CALN1: variants seen among roughly 807,000 people sequenced by gnomAD.
CALN1 encodes the protein calneuron 1, also known as calcium-binding protein 8.
CALN1 carries 17 observed loss-of-function variants against 30.6 expected under a neutral mutation model. That is an observed-to-expected ratio of 0.56 (90% CI 0.38 to 0.83). The LOEUF is 0.83. Among genes scored for constraint, CALN1 ranks in the 40% least tolerant of loss-of-function variants. The pLI is 0.00. For missense variants in CALN1, 291 were observed against 354.9 expected, an observed-to-expected ratio of 0.82 and a Z score of 1.45; for synonymous variants, 156 against 131.4, an observed-to-expected ratio of 1.19 and a Z score of -1.28.
chr7:71,910,157 T>C (rs896361509), intron 5 of CALN1, among the ~76,000 whole-genome samples: 6 of 152,150 alleles, frequency 3.9e-5, no homozygotes, highest in Non-Finnish European at 8.8e-5. Flanking sequence ...AAGGTGAGAT[T>C]TGGATGGGGA....
chr7:72,241,482 A>G (rs906894769), intron 3 of CALN1, among the ~76,000 whole-genome samples: 1 of 152,164 alleles, frequency 6.6e-6, no homozygotes, highest in Non-Finnish European at 1.5e-5. Flanking sequence ...CAAGGCGGGC[A>G]GATCACCTGA....
intron 5 of CALN1, among the ~76,000 whole-genome samples, chr7:71,842,463 G>A (rs1415094742): frequency 6.6e-6 from 1 of 152,182 alleles, no homozygotes; most frequent in Non-Finnish European, 1.5e-5. Flanking sequence ...TTGGGATTTT[G>A]CCCCTGTGGC....
chr7:72,069,092 G>A (rs147983624), intron 4 of CALN1, among the ~76,000 whole-genome samples: 40 of 152,276 alleles, frequency 2.6e-4, no homozygotes, highest in African/African-American at 9.6e-4. Context: ...GCCATCCAGA[G>A]GAGCAGATGC....
the CALN1 span, among the ~76,000 whole-genome samples, chr7:72,454,167 G>A: frequency 6.6e-6 from 1 of 152,092 alleles, no homozygotes; most frequent in Non-Finnish European, 1.5e-5. Flanking sequence ...GAATTGGAAG[G>A]CCTCAATTCA....
rs373749590 is a variant in CALN1, at chr7:72,344,865, A to G, written c.119+58386T>C. 4.3e-4 allele frequency among the ~76,000 whole-genome samples: 63 copies of G among 147,660 alleles called. 1 individual carries two copies. In the East Asian group the frequency reaches 8.4e-3, roughly 20 times the overall value. On this transcript the variant is annotated intron_variant, in intron 2 of 6. Coordinates refer to ENST00000395275, the MANE Select transcript of CALN1 (RefSeq NM_031468.4). ...ATAAGTATATATAGCATATATTTAT[A>G]TAACACATAAATATATAAATAGCAT...
At chr7:71,833,070 C>G (rs896060663) in intron 5 of CALN1, among the ~76,000 whole-genome samples, 10 of 152,360 alleles carry the variant, frequency 6.6e-5, no homozygotes, top group Non-Finnish European at 1.5e-4. Context: ...ACACCATTCT[C>G]TGACGTGTCC....
intron 5 of CALN1, among the ~76,000 whole-genome samples, chr7:71,920,915 T>C (rs1025299178): frequency 6.6e-6 from 1 of 152,212 alleles, no homozygotes; most frequent in African/African-American, 2.4e-5. Context: ...CGTATGTTTA[T>C]TGTGGCACTG....
chr7:72,444,824 G>A (rs1169577204), intron 1 of CALN1, among the ~76,000 whole-genome samples: 1 of 152,168 alleles, frequency 6.6e-6, no homozygotes, highest in Non-Finnish European at 1.5e-5. Flanking sequence ...CGCCCAATGA[G>A]ATTAATCAGC....
chr7:72,260,180 C>T (rs923628974), intron 3 of CALN1, among the ~76,000 whole-genome samples: 4 of 152,124 alleles, frequency 2.6e-5, no homozygotes, highest in African/African-American at 9.7e-5. Context: ...GCCTGGGAGA[C>T]AGAGCAAGAC....
intron 5 of CALN1, among the ~76,000 whole-genome samples, chr7:72,002,877 TAC>T (rs1300927663): frequency 1.3e-5 from 2 of 152,090 alleles, no homozygotes; most frequent in Admixed American, 1.3e-4. Flanking sequence ...AGAATAAAAT[TAC>T]AGTTATCAGG....
chr7:71,930,751 T>C (rs1795508493), intron 5 of CALN1, among the ~76,000 whole-genome samples: 1 of 152,232 alleles, frequency 6.6e-6, no homozygotes, highest in Admixed American at 6.5e-5. Context: ...CTCGCGTGTG[T>C]GTATTCTGGT....
intron 5 of CALN1, among the ~76,000 whole-genome samples, chr7:71,920,765 A>G (rs1794904216): frequency 6.6e-6 from 1 of 152,204 alleles, no homozygotes; most frequent in African/African-American, 2.4e-5. Flanking sequence ...TTTCATTATT[A>G]GTGGCAAACA....
chr7:71,788,802 C>T lies in CALN1; in HGVS notation c.659-900G>A, dbSNP rs192955501. Among the ~76,000 whole-genome samples the T allele has an allele frequency of 1.6e-4, 25 of 152,000 alleles. No homozygotes were observed. The East Asian group carries it at 3.7e-3, about 23-fold the overall frequency. On this transcript the variant is annotated intron_variant, in intron 6 of 6. Coordinates refer to ENST00000395275, the MANE Select transcript of CALN1 (RefSeq NM_031468.4). ...CCTCCTGAGTAGCTGGGACTATAGG[C>T]GCCCGCCACCATGCCCGGCTAATTT...
chr7:71,868,564 G>T (rs1191295907), intron 5 of CALN1, among the ~76,000 whole-genome samples: 2 of 151,966 alleles, frequency 1.3e-5, no homozygotes, highest in Non-Finnish European at 2.9e-5. Context: ...TAGAGACAGG[G>T]TTTCGCCACG....
At chr7:71,805,081 C>T (rs1787528785) in intron 6 of CALN1, among the ~76,000 whole-genome samples, 2 of 152,362 alleles carry the variant, frequency 1.3e-5, no homozygotes, top group Admixed American at 1.3e-4. Flanking sequence ...CTTTTCCATG[C>T]TCCAGATCTC....
At chr7:72,155,333 A>G (rs1787578408) in intron 3 of CALN1, among the ~76,000 whole-genome samples, 1 of 151,724 alleles carries the variant, frequency 6.6e-6, no homozygotes, top group South Asian at 2.1e-4. Context: ...TCTACTAAAA[A>G]TACAAAAAAT....
chr7:71,835,928 T>G (rs956475357), intron 5 of CALN1, among the ~76,000 whole-genome samples: 22 of 152,212 alleles, frequency 1.4e-4, no homozygotes, highest in Admixed American at 1.4e-3. Context: ...TGTACTTCTC[T>G]CACTTTGGGG....
chr7:72,179,170 A>C (rs1789578866), intron 3 of CALN1, among the ~76,000 whole-genome samples: 1 of 152,228 alleles, frequency 6.6e-6, no homozygotes, highest in African/African-American at 2.4e-5. Context: ...TATGACTTTC[A>C]AGGGCATTCA....
chr7:72,431,020 C>G (rs1003718432), intron 1 of CALN1, among the ~76,000 whole-genome samples: 1 of 147,302 alleles, frequency 6.8e-6, no homozygotes, highest in African/African-American at 2.5e-5. Flanking sequence ...ACCTCCGCCT[C>G]CCGGGTTCAA....
Sources: allele counts gnomAD v4.1 joint callset (sites outside exome capture counted in the v4.1 genomes callset), GRCh38; gene constraint gnomAD v4.1.1; transcripts MANE v1.5; gene names NCBI Gene and HGNC (gene_info 2026-07-23, HGNC 2026-07-21).